ZNF345: variants seen among roughly 807,000 people sequenced by gnomAD.
ZNF345 encodes zinc finger protein 345.
For synonymous variants in ZNF345, 166 were observed against 187.9 expected (o/e 0.88, Z 0.95); for missense variants, 527 against 589.9 (o/e 0.89, Z 1.10).
At chr19:36,858,744 C>T (rs1461379863) in intron 2 of ZNF345, among the ~76,000 whole-genome samples, 3 of 151,852 alleles carry the variant, frequency 2.0e-5, no homozygotes, top group Admixed American at 6.6e-5. Flanking sequence ...CCAGCCTAGG[C>T]GACAGAGTAA....
chr19:36,856,048 G>A (rs938633213), intron 2 of ZNF345, among the ~76,000 whole-genome samples: 3 of 152,166 alleles, frequency 2.0e-5, no homozygotes, highest in African/African-American at 2.4e-5. Context: ...TGTCAGTGTC[G>A]TCAAGATTGA....
intron 2 of ZNF345, among the ~76,000 whole-genome samples, chr19:36,868,834 C>T (rs2072718148): frequency 6.6e-6 from 1 of 152,016 alleles, no homozygotes; most frequent in Admixed American, 6.6e-5. Context: ...CCATGTTGGC[C>T]AAGCTAGTCT....
intron 3 of ZNF345, chr19:36,889,590 G>C (rs2073031328): frequency 6.6e-6 from 1 of 152,040 alleles, no homozygotes; most frequent in Admixed American, 6.5e-5. Flanking sequence ...AGTTTCTGCT[G>C]ATATTTTATA....
rs1456502446 is a variant in ZNF345 at position 36,877,482 on chromosome 19, A to G, written c.652A>G (p.Thr218Ala). 6.2e-7 allele frequency: 1 copy of G among 1,613,704 alleles called. No homozygotes were observed. Among genetic ancestry groups the G allele is most frequent in the East Asian group, 2.2e-5 (1 of 44,786 alleles). ...AGCCTTTGGCAGTGGTTCAAACCTT[A>G]CTCAACATCGGCGGATTCATACTGG... is the stretch of plus-strand genomic sequence containing the variant. ...GKAFGSGSNLTQHRRIHTGEK... is the reference protein window; with the variant it reads ...GKAFGSGSNLAQHRRIHTGEK... The change falls in exon 3 of 3, where the codon ACT becomes GCT. Residue 218 changes from threonine to alanine, a missense_variant. Physicochemically the swap from Thr to Ala is moderately conservative, Grantham distance 58. Transcript: ENST00000420450.
At chr19:36,883,803 G>C (rs1600722415), downstream of ZNF345, among the ~76,000 whole-genome samples, 1 of 152,250 alleles carries the variant, frequency 6.6e-6, no homozygotes, top group African/African-American at 2.4e-5. Context: ...AATAAGGATG[G>C]CTCTCTCAGA....
chr19:36,864,920 G>A (rs1407075649), intron 2 of ZNF345, among the ~76,000 whole-genome samples: 1 of 152,144 alleles, frequency 6.6e-6, no homozygotes, highest in African/African-American at 2.4e-5. Flanking sequence ...GGAAATCTGT[G>A]CTCTAGAATT....
intron 2 of ZNF345, among the ~76,000 whole-genome samples, chr19:36,861,558 T>TTTTA (rs776017405): frequency 2.0e-5 from 3 of 152,124 alleles, no homozygotes; most frequent in African/African-American, 4.8e-5. Context: ...ATCTTTTTAT[T>TTTTA]TTTATTTATT....
chr19:36,880,861 G>C (rs570463556), downstream of ZNF345, among the ~76,000 whole-genome samples: 1 of 152,230 alleles, frequency 6.6e-6, no homozygotes, highest in East Asian at 1.9e-4. Context: ...AGCAAAACCT[G>C]TGAGGACCTG....
intron 2 of ZNF345, among the ~76,000 whole-genome samples, chr19:36,865,157 G>A (rs932976813): frequency 5.9e-5 from 9 of 152,118 alleles, no homozygotes; most frequent in Non-Finnish European, 7.4e-5. Context: ...TTCTGGAGCC[G>A]CCTGCCAGCA....
chr19:36,859,422 C>T (rs368016534), intron 2 of ZNF345, among the ~76,000 whole-genome samples: 4 of 151,970 alleles, frequency 2.6e-5, no homozygotes, highest in African/African-American at 9.7e-5. Context: ...TCCCAAAGTG[C>T]TGGGATTACA....
At chr19:36,892,467 C>T (rs2073066959) in intron 3 of ZNF345, 2 of 1,565,432 alleles carry the variant, frequency 1.3e-6, no homozygotes, top group Non-Finnish European at 1.7e-6. Context: ...ACATTGATTC[C>T]AGATCTGAAA....
intron 3 of ZNF345, chr19:36,891,753 A>G (rs2073055510): frequency 1.9e-6 from 3 of 1,614,160 alleles, no homozygotes; most frequent in Non-Finnish European, 2.5e-6. Flanking sequence ...TCTCACCAGC[A>G]TGAATTCTGT....
chr19:36,877,252 C>A lies in ZNF345; in HGVS notation c.422C>A (p.Thr141Asn). The change falls in exon 3 of 3, where the codon ACT (threonine) becomes AAT (asparagine). Residue 141 changes from threonine (T) to asparagine (N), a missense_variant. Thr to Asn is a moderately conservative substitution (Grantham distance 65, BLOSUM62 0). Transcript: ENST00000420450. ...SNLTHHQRIHTGEKPYECKEC... is the reference protein window; with the variant it reads ...SNLTHHQRIHNGEKPYECKEC... ...CTTACTCACCATCAGAGAATTCATA[C>A]TGGTGAGAAACCCTATGAGTGTAAG... is the stretch of plus-strand genomic sequence containing the variant. 3.1e-6 allele frequency: 5 copies of A among 1,614,062 alleles called. No homozygotes were observed. Among genetic ancestry groups the A allele is most frequent in the Non-Finnish European group, 4.2e-6 (5 of 1,179,982 alleles).
chr19:36,874,489 C>T (rs981021389), intron 2 of ZNF345, among the ~76,000 whole-genome samples: 3 of 131,734 alleles, frequency 2.3e-5, no homozygotes, highest in African/African-American at 6.7e-5. Flanking sequence ...AGTGAAACTC[C>T]ACTAAAAAAA....
intron 3 of ZNF345, chr19:36,892,559 G>T: frequency 7.6e-7 from 1 of 1,322,520 alleles, no homozygotes; most frequent in Non-Finnish European, 1.0e-6. Flanking sequence ...AAACTGAAAA[G>T]AATATCTGAG....
intron 2 of ZNF345, among the ~76,000 whole-genome samples, chr19:36,854,859 C>CT (rs34921305): frequency 0.039 from 5,351 of 138,428 alleles, 202 homozygotes; most frequent in African/African-American, 0.09. Context: ...CTTTTCTTTT[C>CT]TTTTTTTTTT....
At position 36,879,510 on chromosome 19, in the gene ZNF345, A is replaced by G. The variant is rs1331939084; in HGVS notation, c.*1213A>G. The G allele has an allele frequency of 6.0e-6, 1 of 166,960 alleles. No homozygotes were observed. Among genetic ancestry groups the G allele is most frequent in the African/African-American group, 2.4e-5 (1 of 41,450 alleles). The allele number at this position is 166,960 out of a possible 1,614,324, so 10.3% of individuals were successfully genotyped here. On this transcript the variant is annotated 3_prime_UTR_variant, in exon 3 of 3. Transcript: ENST00000420450. ...GTTACCATTTTATTGGCTTTATAGT[A>G]TTCACCTGTCTTTATCAAACCCCAA... is the stretch of plus-strand genomic sequence containing the variant.
At chr19:36,857,449 G>A (rs1469418065) in intron 2 of ZNF345, among the ~76,000 whole-genome samples, 2 of 152,014 alleles carry the variant, frequency 1.3e-5, no homozygotes, top group African/African-American at 4.8e-5. Context: ...TGGGACTACA[G>A]GCGCCCGCCA....
At chr19:36,867,603 G>A (rs1352488563) in intron 2 of ZNF345, among the ~76,000 whole-genome samples, 2 of 152,158 alleles carry the variant, frequency 1.3e-5, no homozygotes, top group African/African-American at 4.8e-5. Flanking sequence ...CTGAGGTCAT[G>A]AAGAATTAGA....
Sources: allele counts gnomAD v4.1 joint callset (sites outside exome capture counted in the v4.1 genomes callset), GRCh38; gene constraint gnomAD v4.1.1; transcripts MANE v1.5; gene names NCBI Gene and HGNC (gene_info 2026-07-23, HGNC 2026-07-21).